The following WDR11 variants were observed in gnomAD, a reference collection of about 807,000 sequenced individuals.
WDR11 encodes the protein WD repeat domain 11, also known as WD repeat-containing protein 11.
Under a neutral mutation model 151.2 loss-of-function variants are expected in WDR11, and 83 were observed. The observed-to-expected ratio is 0.55, with a 90% confidence interval of 0.46 to 0.66. The LOEUF (loss-of-function observed/expected upper bound fraction) is 0.66, where lower values mean the gene tolerates loss of function less well. Among genes scored for constraint, WDR11 ranks in the 30% least tolerant of loss-of-function variants. The probability of loss-of-function intolerance (pLI) is 0.00; values close to 1 mark genes in which losing one functional copy is unlikely to be tolerated. For missense variants in WDR11, 1,301 were observed against 1,480.9 expected (o/e 0.88, Z 1.99); for synonymous variants, 484 against 533.1 (o/e 0.91, Z 1.27).
At position 120,865,859 on chromosome 10, in the gene WDR11, G is replaced by A. The variant is rs1187093121; in HGVS notation, c.994+115G>A. On this transcript the variant is annotated intron_variant, in intron 7 of 28. Transcript: ENST00000263461. ...TAATGATACTCCTTGCTTTGAGGAA[G>A]TTTAAAATATGGTTATAATAAGAGG... is the stretch of plus-strand genomic sequence containing the variant. 4 of 712,736 alleles carry A rather than the reference G, an allele frequency of 5.6e-6. No homozygotes were observed. The South Asian group carries it at 7.1e-5, about 13-fold the overall frequency. 44.2% of individuals were successfully genotyped at this position (712,736 alleles called of 1,614,324 possible). A position where few individuals can be genotyped will look rare whatever the true frequency, so the allele number is the denominator to read the frequency against.
At chr10:120,867,999 A>T (rs1846374287) in intron 9 of WDR11, among the ~76,000 whole-genome samples, 1 of 152,218 alleles carries the variant, frequency 6.6e-6, no homozygotes, top group Non-Finnish European at 1.5e-5. Context: ...AGGCTTTGTA[A>T]ATATGCCAAG....
Position 120,874,183 on chromosome 10 carries a change from TTTTTTTTTTG to T in WDR11, c.1556+263_1556+272del, listed in dbSNP as rs1407734378. Among the ~76,000 whole-genome samples the T allele has an allele frequency of 3.8e-4, 23 of 61,162 alleles. 1 individual carries two copies. Among genetic ancestry groups the T allele is most frequent in the African/African-American group, 1.1e-3 (22 of 19,624 alleles). The allele number at this position is 61,162 out of a possible 152,430, so 40.1% of individuals were successfully genotyped here. On this transcript the variant is annotated intron_variant, in intron 11 of 28. Transcript: ENST00000263461. ...GTAATTGCGGTTTTTGCAGTTTTTT[TTTTTTTTTTG>T]TTGTTGTTGTTGTTGTTTGTTTTGT...
chr10:120,865,543 T>C (rs1846282452), intron 6 of WDR11, 87 bp from the exon 7 acceptor site: 6 of 907,068 alleles, frequency 6.6e-6, no homozygotes, highest in Non-Finnish European at 1.0e-5. Context: ...CTTTTGCCCA[T>C]ATTATCTAAA....
intron 13 of WDR11, 110 bp from the exon 14 acceptor site, chr10:120,883,670 A>G (rs1847109023): frequency 1.2e-6 from 1 of 851,172 alleles, no homozygotes; most frequent in African/African-American, 1.7e-5. Context: ...AATTGTCTAT[A>G]TTTAGAATGC....
intron 2 of WDR11, 63 bp downstream of exon 2, chr10:120,852,698 A>G (rs1845822987): frequency 7.4e-7 from 1 of 1,359,352 alleles, no homozygotes; most frequent in Non-Finnish European, 1.0e-6. Flanking sequence ...ACTGTGTATC[A>G]CTAAGCTCTC....
In WDR11 at chr10:120,886,649, A is replaced by G. The variant is rs7904072; in HGVS notation, c.1974-40A>G. ...TTAATTATGAGTATCACTCTAGGGG[A>G]AAAAAAAACATCTTTATCATATGTT... On this transcript the variant is annotated intron_variant, in intron 15 of 28. Coordinates refer to ENST00000263461, the MANE Select transcript of WDR11 (RefSeq NM_018117.12). 5.0e-4 allele frequency: 758 copies of G among 1,501,238 alleles called. 1 individual carries two copies. The African/African-American group carries it at 0.012, about 24-fold the overall frequency. The allele number at this position is 1,501,238 out of a possible 1,614,324, so 93.0% of individuals were successfully genotyped here. A position where few individuals can be genotyped will look rare whatever the true frequency, so the allele number is the denominator to read the frequency against.
Position 120,908,743 on chromosome 10 carries a change from T to TGGAA in WDR11, c.*33_*36dup. The TGGAA allele has an allele frequency of 6.2e-7, 1 of 1,613,076 alleles. No individual in the cohort carries two copies. The highest frequency in any genetic ancestry group is 8.5e-7 in the Non-Finnish European group (1 of 1,179,816). On this transcript the variant is annotated 3_prime_UTR_variant, in exon 29 of 29. Transcript: ENST00000263461. ...TTAATAAATGCCAGGGAATCTGACCTGGAAGGCAGATGGGAGGGGGCTGGT... is the reference window on the plus strand; with the variant it reads ...TTAATAAATGCCAGGGAATCTGACCTGGAAGGAAGGCAGATGGGAGGGGGCTGGT...
Position 120,852,634 on chromosome 10 carries a change from A to G in WDR11, c.197A>G (p.Lys66Arg). 1 of 1,613,352 alleles carries G rather than the reference A, an allele frequency of 6.2e-7. No individual in the cohort carries two copies. The highest frequency in any genetic ancestry group is 8.5e-7 in the Non-Finnish European group (1 of 1,179,472). ...VLEKHKADVV[K>R]VKWARENYHH... ...GAAAAGCATAAAGCTGATGTTGTAA[A>G]GGTAAGTAAAATCCCACTTTGACGC... is the stretch of plus-strand genomic sequence containing the variant. The change falls in exon 2 of 29, where the codon AAG (lysine) becomes AGG (arginine). Residue 66 changes from lysine (K) to arginine (R), a missense_variant and splice_region_variant. This residue lies in a region of WDR11 where 692 missense variants were observed against 762.5 expected (regional missense o/e 0.91). Transcript: ENST00000263461.
intron 13 of WDR11, among the ~76,000 whole-genome samples, chr10:120,882,254 G>T (rs534264743): frequency 5.3e-4 from 81 of 151,854 alleles, no homozygotes; most frequent in Non-Finnish European, 9.6e-4. Context: ...ACATATTGCT[G>T]GATTTGATTT....
chr10:120,871,416 A>G, intron 10 of WDR11, 70 bp downstream of exon 10: 1 of 1,472,834 alleles, frequency 6.8e-7, no homozygotes, highest in Non-Finnish European at 9.4e-7. Flanking sequence ...TAGTTTCTAG[A>G]AGATCCTTTA....
intron 12 of WDR11, chr10:120,879,353 T>C (rs527491364): frequency 6.6e-6 from 1 of 152,196 alleles, no homozygotes; most frequent in Non-Finnish European, 1.5e-5. Flanking sequence ...TTCCCGTCTT[T>C]AGTCCAGTGT....
At chr10:120,903,381 G>A (rs1590119859) in intron 23 of WDR11, 149 bp downstream of exon 23, 7 of 962,686 alleles carry the variant, frequency 7.3e-6, no homozygotes, top group Middle Eastern at 3.1e-4. Flanking sequence ...GTGGTGGCAC[G>A]TGCCTGTAGT....
chr10:120,902,947 C>A, intron 22 of WDR11, 108 bp from the exon 23 acceptor site: 1 of 1,160,886 alleles, frequency 8.6e-7, no homozygotes, highest in Non-Finnish European at 1.3e-6. Context: ...ATGCCAGTAT[C>A]CCAGTGGATA....
chr10:120,898,667 TAGG>T (rs555113442), intron 19 of WDR11, among the ~76,000 whole-genome samples: 65 of 152,280 alleles, frequency 4.3e-4, no homozygotes, highest in Non-Finnish European at 7.9e-4. Flanking sequence ...AGTGAGTTCT[TAGG>T]AGATCTGATG....
chr10:120,866,670 G>A lies in WDR11; in HGVS notation c.1096G>A (p.Val366Ile), dbSNP rs1564944453. 1 of 1,614,208 alleles carries A rather than the reference G, an allele frequency of 6.2e-7. No individual in the cohort carries two copies. Among genetic ancestry groups the A allele is most frequent in the Non-Finnish European group, 8.5e-7 (1 of 1,180,036 alleles). The change falls in exon 8 of 29, where the codon GTC (valine) becomes ATC (isoleucine). Residue 366 changes from valine (V) to isoleucine (I), a missense_variant. Val to Ile is a conservative substitution (Grantham distance 29). Around this residue, in one of 3 missense-constraint regions of WDR11, gnomAD observed 692 missense variants for 762.5 expected, o/e 0.91. Coordinates refer to ENST00000263461, the MANE Select transcript of WDR11 (RefSeq NM_018117.12). Reference sequence around the variant, plus strand: ...TCCCTTCAGTATGGTGTGCTGTCCTGTCAATGAGAATGCAGCCGCCCTCGT... The same window carrying A: ...TCCCTTCAGTATGGTGTGCTGTCCTATCAATGAGAATGCAGCCGCCCTCGT... ...VRPFSMVCCP[V>I]NENAAALVVS... is the part of the protein sequence containing the mutation.
chr10:120,883,146 G>C (rs1198276490), intron 13 of WDR11, among the ~76,000 whole-genome samples: 2 of 152,098 alleles, frequency 1.3e-5, no homozygotes, highest in African/African-American at 4.8e-5. Context: ...GGTCACACAT[G>C]GTCCTGAGTG....
intron 28 of WDR11, 79 bp downstream of exon 28, chr10:120,906,934 G>T (rs1848076936): frequency 6.3e-7 from 1 of 1,583,680 alleles, no homozygotes; most frequent in Non-Finnish European, 8.7e-7. Context: ...TAGTTGTGCT[G>T]CCTGGACAGG....
intron 19 of WDR11, among the ~76,000 whole-genome samples, chr10:120,897,174 C>T (rs906028511): frequency 6.6e-6 from 1 of 152,146 alleles, no homozygotes; most frequent in African/African-American, 2.4e-5. Flanking sequence ...CAAAGAAACC[C>T]TCACTCCATA....
chr10:120,904,863 C>T (rs190369462), intron 25 of WDR11, 52 bp downstream of exon 25: 10 of 1,601,218 alleles, frequency 6.2e-6, no homozygotes, highest in Non-Finnish European at 8.6e-6. Context: ...AGACCTTGTT[C>T]CCAGCAAAGT....
Sources: gnomAD v4.1 joint callset for allele counts (sites outside exome capture counted in the v4.1 genomes callset) on GRCh38, gnomAD v4.1.1 for gene constraint, gnomAD v4.1.1 regional missense constraint, MANE v1.5 for transcripts, NCBI Gene and HGNC (gene_info 2026-07-23, HGNC 2026-07-21) for gene names.